The following AKT3 variants were observed in gnomAD, a reference collection of about 807,000 sequenced individuals.
AKT3 encodes RAC-gamma serine/threonine-protein kinase.
In AKT3, 15 loss-of-function variants were observed where a neutral mutation model predicts 65.3. The ratio of observed to expected loss-of-function variants is 0.23; its 90% CI spans 0.15 to 0.35. The LOEUF is 0.35. Ranked by LOEUF, AKT3 falls within the 10% of genes least tolerant of loss-of-function variation. The probability of loss-of-function intolerance (pLI) is 1.00; values close to 1 mark genes in which losing one functional copy is unlikely to be tolerated. For synonymous variants in AKT3, 206 were observed against 183.8 expected (o/e 1.12, Z -0.98); for missense variants, 243 against 576.5 (o/e 0.42, Z 5.92).
chr1:243,591,694 G>A (rs571194230), intron 8 of AKT3, among the ~76,000 whole-genome samples: 1 of 151,962 alleles, frequency 6.6e-6, no homozygotes, highest in Admixed American at 6.6e-5. Flanking sequence ...AAAAGGTAGA[G>A]GGAAGCACAT....
At chr1:243,654,451 A>G (rs1681612173) in intron 4 of AKT3, among the ~76,000 whole-genome samples, 1 of 152,162 alleles carries the variant, frequency 6.6e-6, no homozygotes, top group Non-Finnish European at 1.5e-5. Context: ...GTTAGTTATT[A>G]TAGGTGTGCT....
intron 2 of AKT3, among the ~76,000 whole-genome samples, chr1:243,820,995 G>A (rs997474788): frequency 3.3e-5 from 5 of 151,960 alleles, no homozygotes; most frequent in Admixed American, 1.3e-4. Flanking sequence ...GATTCTCCAA[G>A]GTCAAAACTC....
intron 12 of AKT3, among the ~76,000 whole-genome samples, chr1:243,537,845 T>G (rs1208914587): frequency 6.6e-6 from 1 of 152,108 alleles, no homozygotes; most frequent in South Asian, 2.1e-4. Context: ...TCACTTCTCT[T>G]GTTACTACTT....
intron 8 of AKT3, among the ~76,000 whole-genome samples, chr1:243,608,188 G>C (rs1677574238): frequency 6.6e-6 from 1 of 152,066 alleles, no homozygotes; most frequent in South Asian, 2.1e-4. Flanking sequence ...TTGCTCCTAG[G>C]CTACAAACCT....
At chr1:243,615,988 G>A (rs1210571184) in intron 6 of AKT3, among the ~76,000 whole-genome samples, 4 of 151,894 alleles carry the variant, frequency 2.6e-5, no homozygotes, top group South Asian at 2.1e-4. Flanking sequence ...GAATCCTCCC[G>A]CTTCAGACTC....
At chr1:243,811,510 C>G (rs1039122109) in intron 2 of AKT3, among the ~76,000 whole-genome samples, 2 of 152,154 alleles carry the variant, frequency 1.3e-5, no homozygotes, top group South Asian at 2.1e-4. Flanking sequence ...CACTGCTCAA[C>G]GAAATAAGAG....
intron 2 of AKT3, among the ~76,000 whole-genome samples, chr1:243,700,962 A>G (rs1167005782): frequency 2.0e-5 from 3 of 152,238 alleles, no homozygotes; most frequent in African/African-American, 7.2e-5. Flanking sequence ...GACAGTGTTC[A>G]CTTCCTACCA....
At chr1:243,815,907 G>A (rs74582271) in intron 2 of AKT3, among the ~76,000 whole-genome samples, 11 of 152,010 alleles carry the variant, frequency 7.2e-5, no homozygotes, top group East Asian at 1.9e-4. Context: ...GTGTGCCACC[G>A]TGCCCTGCTC....
chr1:243,585,249 G>A (rs1392220611), intron 8 of AKT3, among the ~76,000 whole-genome samples: 1 of 151,806 alleles, frequency 6.6e-6, no homozygotes, highest in African/African-American at 2.4e-5. Flanking sequence ...ACAAACAAAT[G>A]AAAAAACGTT....
downstream of AKT3, among the ~76,000 whole-genome samples, chr1:243,496,948 C>T (rs367990064): frequency 5.9e-5 from 9 of 152,308 alleles, no homozygotes; most frequent in African/African-American, 1.7e-4. Context: ...GTGGCCAGGG[C>T]GCCCTGTCGC....
At chr1:243,599,779 G>A (rs921623118) in intron 8 of AKT3, among the ~76,000 whole-genome samples, 2 of 152,034 alleles carry the variant, frequency 1.3e-5, no homozygotes, top group African/African-American at 4.8e-5. Flanking sequence ...TATAAAGCAA[G>A]GATATTTGCT....
At chr1:243,809,722 G>A (rs1302441986) in intron 2 of AKT3, among the ~76,000 whole-genome samples, 1 of 152,144 alleles carries the variant, frequency 6.6e-6, no homozygotes, top group Non-Finnish European at 1.5e-5. Flanking sequence ...CAAATCAACA[G>A]ATTATACATT....
At chr1:243,598,561 T>C (rs1676791852) in intron 8 of AKT3, among the ~76,000 whole-genome samples, 1 of 152,188 alleles carries the variant, frequency 6.6e-6, no homozygotes, top group Non-Finnish European at 1.5e-5. Context: ...AGAGTGTAGC[T>C]GTACTCCCAC....
At chr1:243,625,683 A>T (rs866994139) in intron 6 of AKT3, among the ~76,000 whole-genome samples, 10 of 152,196 alleles carry the variant, frequency 6.6e-5, no homozygotes, top group African/African-American at 2.4e-4. Flanking sequence ...TGAAGGAGTT[A>T]TCTTGCCTTG....
intron 3 of AKT3, among the ~76,000 whole-genome samples, chr1:243,692,831 T>C (rs896015682): frequency 2.0e-5 from 3 of 152,148 alleles, no homozygotes; most frequent in Non-Finnish European, 4.4e-5. Flanking sequence ...TGTTTTTCTC[T>C]TGTTAATCTT....
chr1:243,564,005 C>T (rs1013013835), intron 9 of AKT3, among the ~76,000 whole-genome samples, 157 bp from the exon 10 acceptor site: 1 of 152,116 alleles, frequency 6.6e-6, no homozygotes, highest in Non-Finnish European at 1.5e-5. Context: ...TGTTGCTTCA[C>T]GTGTAAAAAG....
At chr1:243,722,254 T>C (rs1686957798) in intron 2 of AKT3, among the ~76,000 whole-genome samples, 1 of 152,182 alleles carries the variant, frequency 6.6e-6, no homozygotes, top group South Asian at 2.1e-4. Flanking sequence ...ATGCTTACAT[T>C]TGAACTGGTT....
At chr1:243,650,131 T>C (rs1174195684) in intron 4 of AKT3, among the ~76,000 whole-genome samples, 1 of 152,224 alleles carries the variant, frequency 6.6e-6, no homozygotes, top group African/African-American at 2.4e-5. Flanking sequence ...TGGTATCTCA[T>C]TGTGTTTTGA....
chr1:243,681,308 T>C (rs930062964), intron 3 of AKT3, among the ~76,000 whole-genome samples: 2 of 152,186 alleles, frequency 1.3e-5, no homozygotes, highest in African/African-American at 4.8e-5. Flanking sequence ...TTTATTACTA[T>C]ACTACTCCAC....
Sources: allele counts gnomAD v4.1 joint callset (sites outside exome capture counted in the v4.1 genomes callset), GRCh38; gene constraint gnomAD v4.1.1; transcripts MANE v1.5; gene names NCBI Gene and HGNC (gene_info 2026-07-23, HGNC 2026-07-21).